CNKSR2: variants seen among roughly 807,000 people sequenced by gnomAD.
CNKSR2 encodes the protein CNK homolog protein 2.
A neutral mutation model predicts 84.4 loss-of-function variants in CNKSR2; 14 were observed. The ratio of observed to expected loss-of-function variants is 0.17; its 90% CI spans 0.11 to 0.26. The LOEUF (loss-of-function observed/expected upper bound fraction) is 0.26, where lower values mean the gene tolerates loss of function less well. Among genes scored for constraint, CNKSR2 ranks in the 10% least tolerant of loss-of-function variants. The pLI is 1.00. For missense variants in CNKSR2, 485 were observed against 771.2 expected, an observed-to-expected ratio of 0.63 and a Z score of 4.40; for synonymous variants, 275 against 277.9, an observed-to-expected ratio of 0.99 and a Z score of 0.10.
At chrX:21,473,516 C>T (rs1434391607) in intron 5 of CNKSR2, among the ~76,000 whole-genome samples, 1 of 107,860 alleles carries the variant, frequency 9.3e-6, no homozygotes, top group Non-Finnish European at 1.9e-5. Flanking sequence ...CTGTCTGAAT[C>T]CTAATTCTAC....
intron 11 of CNKSR2, among the ~76,000 whole-genome samples, chrX:21,541,443 A>G (rs2091976270): frequency 8.9e-6 from 1 of 112,294 alleles, no homozygotes; most frequent in Non-Finnish European, 1.9e-5. Flanking sequence ...TGGCATTTCT[A>G]GAAAATAAGT....
At chrX:21,607,942 A>G (rs1277987828) in intron 19 of CNKSR2, 1 of 111,412 alleles carries the variant, frequency 9.0e-6, no homozygotes, top group Non-Finnish European at 1.9e-5. Context: ...ATTCCATCTC[A>G]GTATTACTCC....
chrX:21,538,799 A>G, intron 11 of CNKSR2: 1 of 112,738 alleles, frequency 8.9e-6, no homozygotes, highest in Middle Eastern at 4.6e-3. Context: ...AAGGCTGAAG[A>G]ACCTGGAGTC....
chrX:21,638,663 C>T (rs1472858502), intron 20 of CNKSR2, among the ~76,000 whole-genome samples: 3 of 111,731 alleles, frequency 2.7e-5, no homozygotes, highest in Non-Finnish European at 3.8e-5. Context: ...CAAACAGAAG[C>T]ATTACTGATT....
intron 20 of CNKSR2, among the ~76,000 whole-genome samples, chrX:21,630,452 A>G (rs1196967868): frequency 2.7e-5 from 3 of 111,860 alleles, no homozygotes. Context: ...TTTACGTAAT[A>G]TAAGTCATTT....
intron 11 of CNKSR2, among the ~76,000 whole-genome samples, chrX:21,537,557 A>G (rs112364414): frequency 5.7e-4 from 64 of 111,582 alleles, no homozygotes; most frequent in African/African-American, 1.6e-3. Context: ...TGTTGGGTAC[A>G]TATATATTTA....
intron 1 of CNKSR2, among the ~76,000 whole-genome samples, chrX:21,403,139 G>T (rs890262544): frequency 9.0e-6 from 1 of 110,698 alleles, no homozygotes; most frequent in Non-Finnish European, 1.9e-5. Flanking sequence ...TGTATTTCTA[G>T]GGAAAATTTC....
At chrX:21,387,803 A>G (rs2146958597) in intron 1 of CNKSR2, among the ~76,000 whole-genome samples, 1 of 111,899 alleles carries the variant, frequency 8.9e-6, no homozygotes, top group South Asian at 3.8e-4. Flanking sequence ...AAATGCCCTT[A>G]TTGTAATAAA....
In CNKSR2 at chrX:21,374,695, G is replaced by T; in HGVS notation, c.-203G>T. 3 of 508,517 alleles carry T rather than the reference G, an allele frequency of 5.9e-6. No individual in the cohort carries two copies. The Admixed American group carries it at 8.4e-5, about 14-fold the overall frequency. 41.9% of individuals were successfully genotyped at this position (508,517 alleles called of 1,213,427 possible). A position where few individuals can be genotyped will look rare whatever the true frequency, so the allele number is the denominator to read the frequency against. On this transcript the variant is annotated 5_prime_UTR_variant, in exon 1 of 22. Coordinates refer to ENST00000379510, the MANE Select transcript of CNKSR2 (RefSeq NM_014927.5). ...CGGCGCGGAGCCACGACTCCTGCACGTTTACCTCCCTGTCGCCGTTCCTGC... is the reference window on the plus strand; with the variant it reads ...CGGCGCGGAGCCACGACTCCTGCACTTTTACCTCCCTGTCGCCGTTCCTGC...
At chrX:21,497,917 C>T in intron 7 of CNKSR2, 71 bp downstream of exon 7, 1 of 537,107 alleles carries the variant, frequency 1.9e-6, no homozygotes, top group East Asian at 3.4e-5. Flanking sequence ...ATATATCTCA[C>T]ATGATTGAGG....
chrX:21,610,934 G>T (rs1462334132), intron 20 of CNKSR2, among the ~76,000 whole-genome samples: 1 of 111,860 alleles, frequency 8.9e-6, no homozygotes, highest in Admixed American at 9.5e-5. Flanking sequence ...TATAAGAATT[G>T]CTTGTAATAA....
intron 8 of CNKSR2, among the ~76,000 whole-genome samples, chrX:21,515,792 A>G: frequency 8.9e-6 from 1 of 112,090 alleles, no homozygotes; most frequent in East Asian, 2.8e-4. Context: ...ATATGTTTTT[A>G]GGTGATATTC....
At chrX:21,393,552 C>T (rs1230997434) in intron 1 of CNKSR2, among the ~76,000 whole-genome samples, 1 of 111,813 alleles carries the variant, frequency 8.9e-6, no homozygotes, top group Non-Finnish European at 1.9e-5. Context: ...CAATGCTTTC[C>T]AATAATACTT....
At chrX:21,503,483 G>A in intron 8 of CNKSR2, 1 of 268,112 alleles carries the variant, frequency 3.7e-6, no homozygotes, top group Non-Finnish European at 6.6e-6. Context: ...CTGCAAATAA[G>A]GTATATGTAG....
At chrX:21,448,039 T>C (rs945752278) in intron 4 of CNKSR2, among the ~76,000 whole-genome samples, 17 of 111,042 alleles carry the variant, frequency 1.5e-4, no homozygotes, top group African/African-American at 5.2e-4. Flanking sequence ...TGGGAAAAAA[T>C]GCATGTAATT....
chrX:21,416,090 G>T (rs1354688801), intron 1 of CNKSR2, among the ~76,000 whole-genome samples: 1 of 111,003 alleles, frequency 9.0e-6, no homozygotes, highest in African/African-American at 3.3e-5. Flanking sequence ...GCCATATATG[G>T]CATTTATTAT....
intron 9 of CNKSR2, among the ~76,000 whole-genome samples, chrX:21,520,214 A>C (rs751236963): frequency 5.4e-5 from 6 of 111,585 alleles, no homozygotes; most frequent in Non-Finnish European, 1.1e-4. Flanking sequence ...ATTTTGTGAT[A>C]GAACGTAAGG....
chrX:21,537,626 T>C (rs2091940481), intron 11 of CNKSR2, among the ~76,000 whole-genome samples: 1 of 111,594 alleles, frequency 9.0e-6, no homozygotes, highest in Non-Finnish European at 1.9e-5. Flanking sequence ...GACCTTCTTT[T>C]TACAGTTTTT....
At chrX:21,565,741 G>A (rs1349721831) in intron 13 of CNKSR2, among the ~76,000 whole-genome samples, 1 of 111,148 alleles carries the variant, frequency 9.0e-6, no homozygotes, top group Non-Finnish European at 1.9e-5. Flanking sequence ...AGTGCGTATT[G>A]GATATCTATA....
Sources: allele counts gnomAD v4.1 joint callset (sites outside exome capture counted in the v4.1 genomes callset), GRCh38; gene constraint gnomAD v4.1.1; transcripts MANE v1.5; gene names NCBI Gene and HGNC (gene_info 2026-07-23, HGNC 2026-07-21).